The following CWC27 variants were observed in gnomAD, a reference collection of about 807,000 sequenced individuals.
CWC27 encodes the protein spliceosome-associated protein CWC27 homolog.
In CWC27, 47 loss-of-function variants were observed where a neutral mutation model predicts 63.6. That is an observed-to-expected ratio of 0.74 (90% CI 0.58 to 0.94). The LOEUF (loss-of-function observed/expected upper bound fraction) is 0.94, where lower values mean the gene tolerates loss of function less well. Ranked by LOEUF, CWC27 falls within the 40% of genes least tolerant of loss-of-function variation. The pLI, the probability that CWC27 is intolerant of heterozygous loss-of-function variation, is 0.00. For synonymous variants in CWC27, 175 were observed against 179.8 expected (o/e 0.97, Z 0.22); for missense variants, 495 against 554.3 (o/e 0.89, Z 1.07).
intron 10 of CWC27, among the ~76,000 whole-genome samples, chr5:64,883,074 A>C (rs1162520237): frequency 2.0e-5 from 3 of 152,228 alleles, no homozygotes; most frequent in African/African-American, 7.2e-5. Context: ...TCATGGTGGA[A>C]GACATCTCTT....
At chr5:64,996,844 G>A (rs1444887995) in intron 13 of CWC27, among the ~76,000 whole-genome samples, 1 of 151,980 alleles carries the variant, frequency 6.6e-6, no homozygotes, top group African/African-American at 2.4e-5. Flanking sequence ...CATAGAAATC[G>A]TCGCTTTCAG....
At chr5:64,975,083 T>G (rs1215912163) in intron 12 of CWC27, among the ~76,000 whole-genome samples, 1 of 152,238 alleles carries the variant, frequency 6.6e-6, no homozygotes, top group Non-Finnish European at 1.5e-5. Flanking sequence ...ACTCATCTCA[T>G]TCAGTAGCTA....
At chr5:65,002,996 G>A (rs751555190) in intron 13 of CWC27, among the ~76,000 whole-genome samples, 5 of 152,064 alleles carry the variant, frequency 3.3e-5, no homozygotes, top group African/African-American at 4.8e-5. Flanking sequence ...TGTTTAGAAC[G>A]TTATATCCTC....
intron 11 of CWC27, among the ~76,000 whole-genome samples, chr5:64,919,486 C>T (rs960922562): frequency 6.6e-6 from 1 of 152,166 alleles, no homozygotes; most frequent in Non-Finnish European, 1.5e-5. Context: ...TATAGGTAGC[C>T]TTCCAACCTA....
At chr5:64,870,772 C>T (rs986643439) in intron 10 of CWC27, among the ~76,000 whole-genome samples, 2 of 152,034 alleles carry the variant, frequency 1.3e-5, no homozygotes, top group African/African-American at 4.8e-5. Context: ...CAGAGCTAGC[C>T]ATTGTTTTCA....
intron 11 of CWC27, among the ~76,000 whole-genome samples, chr5:64,931,935 A>G (rs1443663925): frequency 6.6e-6 from 1 of 151,998 alleles, no homozygotes; most frequent in African/African-American, 2.4e-5. Context: ...TTCCTTTTAT[A>G]TATTTCCTAT....
chr5:64,877,316 A>G (rs1365668627), intron 10 of CWC27, among the ~76,000 whole-genome samples: 1 of 152,076 alleles, frequency 6.6e-6, no homozygotes, highest in African/African-American at 2.4e-5. Context: ...AAGCATAGAA[A>G]GACAAATATC....
chr5:64,847,153 C>A (rs1042939308), intron 10 of CWC27, among the ~76,000 whole-genome samples: 2 of 152,138 alleles, frequency 1.3e-5, no homozygotes, highest in African/African-American at 4.8e-5. Flanking sequence ...AGATACATCT[C>A]ACTTTTAAGG....
At chr5:64,819,330 A>G (rs1332368159) in intron 10 of CWC27, among the ~76,000 whole-genome samples, 1 of 152,164 alleles carries the variant, frequency 6.6e-6, no homozygotes, top group Non-Finnish European at 1.5e-5. Context: ...GTATTTACCT[A>G]GGTAAGAAAC....
chr5:64,817,148 CA>C (rs1745060626), intron 10 of CWC27, among the ~76,000 whole-genome samples: 1 of 152,150 alleles, frequency 6.6e-6, no homozygotes, highest in East Asian at 1.9e-4. Flanking sequence ...ATATTCTTCT[CA>C]TACCAAGGTC....
At chr5:65,007,918 G>A (rs559450162) in intron 13 of CWC27, among the ~76,000 whole-genome samples, 16 of 152,058 alleles carry the variant, frequency 1.1e-4, no homozygotes, top group Middle Eastern at 3.4e-3. Context: ...GTGAGCCACC[G>A]TGCCCAGCCT....
chr5:64,905,719 T>C (rs1337713819), intron 11 of CWC27, among the ~76,000 whole-genome samples: 2 of 152,192 alleles, frequency 1.3e-5, no homozygotes, highest in African/African-American at 4.8e-5. Flanking sequence ...AGGGTACATG[T>C]GCACAACATG....
intron 10 of CWC27, among the ~76,000 whole-genome samples, chr5:64,821,098 T>TC (rs1208257311): frequency 6.7e-6 from 1 of 150,250 alleles, no homozygotes; most frequent in African/African-American, 2.4e-5. Context: ...TTTTTTTTTT[T>TC]TTTTTTTGAG....
At chr5:65,007,885 C>T (rs1435557346) in intron 13 of CWC27, among the ~76,000 whole-genome samples, 1 of 152,156 alleles carries the variant, frequency 6.6e-6, no homozygotes, top group African/African-American at 2.4e-5. Flanking sequence ...GCCTCGGCCT[C>T]CCAAAGTGCT....
intron 10 of CWC27, among the ~76,000 whole-genome samples, chr5:64,838,088 G>A (rs1045564655): frequency 6.6e-6 from 1 of 151,980 alleles, no homozygotes; most frequent in South Asian, 2.1e-4. Flanking sequence ...TATTCCTTAG[G>A]AATTAGCATT....
rs1200640291 is a variant in CWC27, at chr5:64,858,369, G to A, written c.939-27074G>A. ...CCCAGCTACTCGGGAGGCTGAGGCA[G>A]GAGAATGGCATGAACCCGGGAGGCG... On this transcript the variant is annotated intron_variant, in intron 10 of 13. Coordinates refer to ENST00000381070, the MANE Select transcript of CWC27 (RefSeq NM_005869.4). Among the ~76,000 whole-genome samples the A allele has an allele frequency of 3.3e-5, 5 of 149,770 alleles. No homozygotes were observed. The East Asian group carries it at 7.8e-4, about 23-fold the overall frequency.
intron 13 of CWC27, among the ~76,000 whole-genome samples, chr5:65,002,919 A>G (rs573799097): frequency 6.4e-4 from 97 of 152,272 alleles, no homozygotes; most frequent in African/African-American, 2.1e-3. Context: ...ACTGGAGTCT[A>G]TCTTTCCCTT....
At chr5:64,784,896 G>A (rs1743828663) in intron 4 of CWC27, among the ~76,000 whole-genome samples, 1 of 152,164 alleles carries the variant, frequency 6.6e-6, no homozygotes, top group Non-Finnish European at 1.5e-5. Context: ...AAATAAGAGT[G>A]TGTAATAAAA....
chr5:64,795,088 G>A (rs151028179), intron 7 of CWC27, among the ~76,000 whole-genome samples: 13 of 152,138 alleles, frequency 8.5e-5, no homozygotes, highest in Admixed American at 1.3e-4. Flanking sequence ...AGACCGTTTC[G>A]CCACTTTTGA....
Sources: gnomAD v4.1 joint callset for allele counts (sites outside exome capture counted in the v4.1 genomes callset) on GRCh38, gnomAD v4.1.1 for gene constraint, MANE v1.5 for transcripts, NCBI Gene and HGNC (gene_info 2026-07-23, HGNC 2026-07-21) for gene names.